The following OPA3 variants were observed in gnomAD, a reference collection of about 807,000 sequenced individuals.
OPA3 encodes outer mitochondrial membrane lipid metabolism regulator OPA3.
OPA3 carries 6 observed loss-of-function variants against 4.0 expected under a neutral mutation model. The ratio of observed to expected loss-of-function variants is 1.51; its 90% CI spans 0.83 to 2.99. The LOEUF (loss-of-function observed/expected upper bound fraction) is 2.99. Ranked by LOEUF, OPA3 falls within the 30% of genes most tolerant of loss-of-function variation. The pLI is 0.00. For missense variants in OPA3, 235 were observed against 256.2 expected (o/e 0.92, Z 0.56); for synonymous variants, 105 against 117.1 (o/e 0.90, Z 0.67).
intron 1 of OPA3, among the ~76,000 whole-genome samples, chr19:45,555,172 A>G (rs1969401865): frequency 6.6e-6 from 1 of 152,142 alleles, no homozygotes; most frequent in South Asian, 2.1e-4. Context: ...AGCATTTAGA[A>G]CCTTATGGTC....
At chr19:45,579,574 G>A (rs1057473160) in intron 1 of OPA3, among the ~76,000 whole-genome samples, 1 of 152,030 alleles carries the variant, frequency 6.6e-6, no homozygotes, top group African/African-American at 2.4e-5. Flanking sequence ...TAAGGTACCT[G>A]AGGGCAAGAT....
At position 45,548,378 on chromosome 19, in the gene OPA3, G is replaced by T; in HGVS notation, c.*5136C>A. 1 of 985,610 alleles carries T rather than the reference G, an allele frequency of 1.0e-6. No individual in the cohort carries two copies. Among genetic ancestry groups the T allele is most frequent in the Non-Finnish European group, 1.2e-6 (1 of 830,046 alleles). 61.1% of individuals were successfully genotyped at this position (985,610 alleles called of 1,614,324 possible). A position where few individuals can be genotyped will look rare whatever the true frequency, so the allele number is the denominator to read the frequency against. On this transcript the variant is annotated 3_prime_UTR_variant, in exon 2 of 2. Coordinates refer to ENST00000263275, the MANE Select transcript of OPA3 (RefSeq NM_025136.4). ...GGACAGCAGGGCCTGCCAGGAGATG[G>T]GAGGGGCACAGCCCTCAGGGCACCT...
intron 1 of OPA3, among the ~76,000 whole-genome samples, chr19:45,563,246 G>A (rs549857481): frequency 2.6e-5 from 4 of 152,088 alleles, no homozygotes; most frequent in East Asian, 1.9e-4. Flanking sequence ...TGCAAGCTCC[G>A]CCTCCCAGGT....
At chr19:45,573,825 C>A (rs1015907168) in intron 1 of OPA3, among the ~76,000 whole-genome samples, 1 of 152,190 alleles carries the variant, frequency 6.6e-6, no homozygotes, top group African/African-American at 2.4e-5. Flanking sequence ...TGCACGAAGT[C>A]TTTATCTAGA....
Position 45,548,517 on chromosome 19 carries a change from G to C in OPA3, c.*4997C>G. On this transcript the variant is annotated 3_prime_UTR_variant, in exon 2 of 2. Coordinates refer to ENST00000263275, the MANE Select transcript of OPA3 (RefSeq NM_025136.4). ...CTAAACAACTATGGGGTGGGGCAGG[G>C]AACACTGGAAAAGAAATGTACGTGT... 2 of 985,476 alleles carry C rather than the reference G, an allele frequency of 2.0e-6. No individual in the cohort carries two copies. Among genetic ancestry groups the C allele is most frequent in the South Asian group, 9.4e-5 (2 of 21,292 alleles). The allele number at this position is 985,476 out of a possible 1,614,324, so 61.0% of individuals were successfully genotyped here. A position where few individuals can be genotyped will look rare whatever the true frequency, so the allele number is the denominator to read the frequency against.
At chr19:45,567,873 TTAAA>T (rs1338478341) in intron 1 of OPA3, among the ~76,000 whole-genome samples, 1 of 152,202 alleles carries the variant, frequency 6.6e-6, no homozygotes, top group Non-Finnish European at 1.5e-5. Flanking sequence ...GGAAAGCATA[TTAAA>T]TAAAAGCTGT....
At chr19:45,572,469 AT>A (rs1256846448) in intron 1 of OPA3, among the ~76,000 whole-genome samples, 22 of 128,542 alleles carry the variant, frequency 1.7e-4, no homozygotes, top group Non-Finnish European at 3.7e-4. Flanking sequence ...ATCATATATC[AT>A]ATAATAATCA....
At chr19:45,529,559 C>A (rs943715716) in intron 1 of OPA3, 7 of 1,422,990 alleles carry the variant, frequency 4.9e-6, no homozygotes, top group South Asian at 1.2e-5. Context: ...GGGATGTGGT[C>A]ACCACAATCG....
intron 1 of OPA3, among the ~76,000 whole-genome samples, chr19:45,535,622 G>A (rs1969107229): frequency 6.6e-6 from 1 of 151,942 alleles, no homozygotes; most frequent in Non-Finnish European, 1.5e-5. Flanking sequence ...ACCTCCCAAA[G>A]TGCTGGGATT....
chr19:45,541,307 T>A (rs1599953709), downstream of OPA3, among the ~76,000 whole-genome samples: 1 of 152,142 alleles, frequency 6.6e-6, no homozygotes, highest in Admixed American at 6.5e-5. Context: ...TCACTTTTTA[T>A]GGAAAAGCCA....
intron 1 of OPA3, among the ~76,000 whole-genome samples, chr19:45,565,278 C>T (rs1033841838): frequency 6.6e-6 from 1 of 151,710 alleles, no homozygotes; most frequent in Non-Finnish European, 1.5e-5. Context: ...TCTTGGATTG[C>T]ATTATCATGC....
chr19:45,582,304 C>CAT (rs1969868036), intron 1 of OPA3, among the ~76,000 whole-genome samples: 1 of 151,730 alleles, frequency 6.6e-6, no homozygotes, highest in Non-Finnish European at 1.5e-5. Context: ...GGATTATAGG[C>CAT]GCCCGCCACC....
intron 1 of OPA3, among the ~76,000 whole-genome samples, chr19:45,538,334 T>C (rs1969145831): frequency 6.6e-6 from 1 of 151,822 alleles, no homozygotes; most frequent in African/African-American, 2.4e-5. Context: ...GGGGGGAGGA[T>C]TGCTTGAGCC....
At chr19:45,556,255 C>T (rs2122448038) in intron 1 of OPA3, among the ~76,000 whole-genome samples, 1 of 152,190 alleles carries the variant, frequency 6.6e-6, no homozygotes, top group Non-Finnish European at 1.5e-5. Flanking sequence ...GTCATCTTCC[C>T]ACCTCAGCCT....
intron 1 of OPA3, among the ~76,000 whole-genome samples, chr19:45,570,180 A>G (rs1969640352): frequency 6.6e-6 from 1 of 152,142 alleles, no homozygotes; most frequent in Non-Finnish European, 1.5e-5. Flanking sequence ...CCCTCTACAC[A>G]GGGGCTTCTG....
intron 1 of OPA3, among the ~76,000 whole-genome samples, chr19:45,561,769 C>T (rs149640471): frequency 0.063 from 9,532 of 151,650 alleles, 385 homozygotes; most frequent in East Asian, 0.12. Flanking sequence ...GGTGAAACCC[C>T]GTCTCTACTA....
At chr19:45,572,937 AG>A (rs1969710146) in intron 1 of OPA3, among the ~76,000 whole-genome samples, 1 of 150,646 alleles carries the variant, frequency 6.6e-6, no homozygotes, top group Non-Finnish European at 1.5e-5. Flanking sequence ...AGGCAGGAAG[AG>A]TTTATGTTTG....
chr19:45,580,642 A>C (rs762110873), intron 1 of OPA3, among the ~76,000 whole-genome samples: 1 of 148,004 alleles, frequency 6.8e-6, no homozygotes, highest in Non-Finnish European at 1.5e-5. Context: ...TTATTGAGAC[A>C]GAGTCTCGCT....
intron 1 of OPA3, among the ~76,000 whole-genome samples, chr19:45,561,953 A>G (rs1568405140): frequency 6.6e-6 from 1 of 151,904 alleles, no homozygotes; most frequent in African/African-American, 2.4e-5. Flanking sequence ...TCAAAAATAA[A>G]TAAATAAATA....
Sources: allele counts gnomAD v4.1 joint callset (sites outside exome capture counted in the v4.1 genomes callset), GRCh38; gene constraint gnomAD v4.1.1; transcripts MANE v1.5; gene names NCBI Gene and HGNC (gene_info 2026-07-23, HGNC 2026-07-21).